Variants in SEZ6L observed in about 807,000 individuals in gnomAD.
SEZ6L encodes seizure related 6 homolog like.
Under a neutral mutation model 106.2 loss-of-function variants are expected in SEZ6L, and 37 were observed. The observed-to-expected ratio is 0.35, with a 90% CI of 0.27 to 0.46. The LOEUF is 0.46. SEZ6L is among the 20% of genes least tolerant of loss of function. The pLI is 1.00. For synonymous variants in SEZ6L, 541 were observed against 570.4 expected (o/e 0.95, Z 0.73); for missense variants, 1,172 against 1,332.8 (o/e 0.88, Z 1.88).
intron 8 of SEZ6L, 46 bp from the exon 9 acceptor site, chr22:26,313,718 T>C: frequency 6.3e-7 from 1 of 1,589,830 alleles, no homozygotes; most frequent in Non-Finnish European, 8.6e-7. Context: ...CCACATTGAC[T>C]TCTTTACAAA....
At position 26,200,395 on chromosome 22, in the gene SEZ6L, C is replaced by T. The variant is rs761129255; in HGVS notation, c.94+30632C>T. ...GCTTGGTGGTTGGTGCAAGAGACAC[C>T]GCTTCTGCTTTCAAGGGGTGCACAG... On this transcript the variant is annotated intron_variant, in intron 1 of 16. Transcript: ENST00000248933. 9.1e-4 allele frequency among the ~76,000 whole-genome samples: 138 copies of T among 152,220 alleles called. 2 individuals carry two copies. The highest frequency in any genetic ancestry group is 1.4e-3 in the Non-Finnish European group (98 of 68,020).
chr22:26,238,898 T>C (rs1331981133), intron 1 of SEZ6L, among the ~76,000 whole-genome samples: 1 of 152,144 alleles, frequency 6.6e-6, no homozygotes, highest in Non-Finnish European at 1.5e-5. Context: ...ACTGCTGGGT[T>C]GAAGCTGCAG....
chr22:26,250,110 G>A (rs1198426303), intron 1 of SEZ6L, among the ~76,000 whole-genome samples: 1 of 152,072 alleles, frequency 6.6e-6, no homozygotes, highest in Non-Finnish European at 1.5e-5. Flanking sequence ...CTCCCATTCT[G>A]CAGGTTGTCT....
intron 1 of SEZ6L, among the ~76,000 whole-genome samples, chr22:26,194,024 C>T (rs368434821): frequency 3.5e-4 from 54 of 152,272 alleles, no homozygotes; most frequent in African/African-American, 1.2e-3. Context: ...TGCACTGACC[C>T]AGACTGGGAG....
chr22:26,201,267 TC>T, intron 1 of SEZ6L, among the ~76,000 whole-genome samples: 1 of 151,636 alleles, frequency 6.6e-6, no homozygotes, highest in Non-Finnish European at 1.5e-5. Context: ...ACGCCTGTAA[TC>T]CCAGCACTTT....
intron 1 of SEZ6L, among the ~76,000 whole-genome samples, chr22:26,229,734 C>T: frequency 6.6e-6 from 1 of 152,216 alleles, no homozygotes; most frequent in African/African-American, 2.4e-5. Flanking sequence ...GACCTGGAAG[C>T]AGGTATTGTT....
At chr22:26,223,519 G>C (rs555767071) in intron 1 of SEZ6L, among the ~76,000 whole-genome samples, 2 of 152,098 alleles carry the variant, frequency 1.3e-5, no homozygotes, top group Non-Finnish European at 2.9e-5. Context: ...GTGGTAAGAG[G>C]TATTGCTTGG....
chr22:26,310,744 T>C lies in SEZ6L; in HGVS notation c.1589T>C (p.Phe530Ser). ...TCCCTTCAAACCGAGAGTGTCCCTT[T>C]TGAGGGCCTGCTGAGCGAAGGCAAC... ...YDSLQTESVP[F>S]EGLLSEGNTI... is the part of the protein sequence containing the mutation. Residue 530 changes from phenylalanine to serine, a missense_variant, in exon 7 of 17, where the codon TTT becomes TCT. Transcript: ENST00000248933. 1.2e-6 allele frequency: 2 copies of C among 1,614,076 alleles called. No individual in the cohort carries two copies. The highest frequency in any genetic ancestry group is 8.5e-7 in the Non-Finnish European group (1 of 1,180,010).
chr22:26,320,926 C>A (rs2082137014), intron 9 of SEZ6L, among the ~76,000 whole-genome samples: 1 of 152,098 alleles, frequency 6.6e-6, no homozygotes, highest in Non-Finnish European at 1.5e-5. Flanking sequence ...ACAGTCCCCA[C>A]CACAAAGAAT....
chr22:26,358,295 C>CT (rs2083504454), intron 12 of SEZ6L, among the ~76,000 whole-genome samples: 1 of 152,198 alleles, frequency 6.6e-6, no homozygotes, highest in South Asian at 2.1e-4. Context: ...CAGGTTTGTA[C>CT]CCCAGCCCTG....
chr22:26,244,163 AAAAGAAAGAAAG>A (rs147675419), intron 1 of SEZ6L, among the ~76,000 whole-genome samples: 1 of 149,518 alleles, frequency 6.7e-6, no homozygotes, highest in Non-Finnish European at 1.5e-5. Context: ...ACCCTATCTC[AAAAGAAAGAAAG>A]AAAGAAAGAA....
chr22:26,353,234 CA>C, intron 12 of SEZ6L, among the ~76,000 whole-genome samples: 1 of 152,216 alleles, frequency 6.6e-6, no homozygotes, highest in Non-Finnish European at 1.5e-5. Flanking sequence ...CAACTGCCCC[CA>C]TTGTACAGAT....
chr22:26,360,531 G>T (rs1005210114), intron 12 of SEZ6L, among the ~76,000 whole-genome samples: 10 of 152,184 alleles, frequency 6.6e-5, no homozygotes, highest in Non-Finnish European at 1.5e-4. Context: ...ATTTATGAAA[G>T]AAAATTTCCG....
intron 1 of SEZ6L, among the ~76,000 whole-genome samples, chr22:26,199,059 A>G (rs1466978380): frequency 6.6e-6 from 1 of 152,242 alleles, no homozygotes; most frequent in African/African-American, 2.4e-5. Context: ...GTCAGAGATT[A>G]TCAGCTCTGG....
chr22:26,310,878 G>C, intron 7 of SEZ6L, 42 bp downstream of exon 7: 1 of 1,592,548 alleles, frequency 6.3e-7, no homozygotes, highest in Non-Finnish European at 8.6e-7. Context: ...GTGGGGCTGG[G>C]GGTAGCCTGG....
intron 11 of SEZ6L, among the ~76,000 whole-genome samples, chr22:26,349,602 GCAGTCCT>G (rs967957152): frequency 1.6e-4 from 25 of 152,270 alleles, no homozygotes; most frequent in African/African-American, 6.0e-4. Flanking sequence ...TTGGGCTCAA[GCAGTCCT>G]CCCACCACAG....
chr22:26,230,610 G>A (rs1262955564), intron 1 of SEZ6L, among the ~76,000 whole-genome samples: 3 of 152,204 alleles, frequency 2.0e-5, no homozygotes, highest in Admixed American at 6.5e-5. Context: ...AAGGACTGAG[G>A]AAATCCTTCA....
chr22:26,319,910 C>T (rs558506104), intron 9 of SEZ6L, among the ~76,000 whole-genome samples: 1 of 152,028 alleles, frequency 6.6e-6, no homozygotes, highest in Admixed American at 6.5e-5. Context: ...GAATTTGAAC[C>T]CAAATTTATG....
At chr22:26,359,716 G>C (rs1019857219) in intron 12 of SEZ6L, among the ~76,000 whole-genome samples, 1 of 152,072 alleles carries the variant, frequency 6.6e-6, no homozygotes, top group African/African-American at 2.4e-5. Context: ...AAGGTGGGAG[G>C]ATCTCTTGAA....
Sources: gnomAD v4.1 joint callset for allele counts (sites outside exome capture counted in the v4.1 genomes callset) on GRCh38, gnomAD v4.1.1 for gene constraint, MANE v1.5 for transcripts, NCBI Gene and HGNC (gene_info 2026-07-23, HGNC 2026-07-21) for gene names.